The following SMC1A variants were observed in gnomAD, a reference collection of about 807,000 sequenced individuals.
SMC1A encodes the protein structural maintenance of chromosomes protein 1A.
SMC1A carries 4 observed loss-of-function variants against 94.5 expected under a neutral mutation model. The observed-to-expected ratio is 0.04, with a 90% confidence interval of 0.02 to 0.10. SMC1A has a LOEUF of 0.10. Ranked by LOEUF, SMC1A falls within the 10% of genes least tolerant of loss-of-function variation. SMC1A has a pLI of 1.00. For synonymous variants in SMC1A, 345 were observed against 347.7 expected (o/e 0.99, Z 0.09); for missense variants, 304 against 989.0 (o/e 0.31, Z 9.29).
At chrX:53,407,016 G>A (rs1176056339) in intron 9 of SMC1A, among the ~76,000 whole-genome samples, 2 of 112,123 alleles carry the variant, frequency 1.8e-5, no homozygotes, top group Non-Finnish European at 3.8e-5. Flanking sequence ...TTTATTACAT[G>A]ATTGTTCTGA....
Position 53,417,670 on chromosome X carries a change from T to C in SMC1A, c.110-2501A>G, listed in dbSNP as rs915596490. ...CTGGTTCCAAAATAACAAAAAGACA[T>C]TTGGGGAGCAAGTTAAGGAAGCTTA... is the stretch of plus-strand genomic sequence containing the variant. On this transcript the variant is annotated intron_variant, in intron 1 of 24. Transcript: ENST00000322213. 7.3e-5 allele frequency among the ~76,000 whole-genome samples: 8 copies of C among 109,928 alleles called. No homozygotes were observed. In the East Asian group the frequency reaches 2.3e-3, roughly 31 times the overall value.
intron 20 of SMC1A, 69 bp downstream of exon 20, chrX:53,383,028 T>C: frequency 2.0e-6 from 2 of 1,024,995 alleles, no homozygotes; most frequent in Non-Finnish European, 2.7e-6. Flanking sequence ...CTGTGATGTA[T>C]AGCAGGCCCG....
chrX:53,383,420 T>C (rs2075592812), intron 19 of SMC1A, among the ~76,000 whole-genome samples, 167 bp from the exon 20 acceptor site: 1 of 111,858 alleles, frequency 8.9e-6, no homozygotes, highest in Non-Finnish European at 1.9e-5. Flanking sequence ...ATAGTAACCA[T>C]TCCCACCATC....
chrX:53,417,529 C>A (rs1207268122), intron 1 of SMC1A, among the ~76,000 whole-genome samples: 2 of 72,037 alleles, frequency 2.8e-5, no homozygotes, highest in Non-Finnish European at 5.0e-5. Flanking sequence ...CCAGCCTGGG[C>A]AACAAGAGCA....
chrX:53,403,529 G>A (rs918278364), intron 15 of SMC1A, 37 bp downstream of exon 15: 4 of 1,064,315 alleles, frequency 3.8e-6, no homozygotes, highest in Non-Finnish European at 5.2e-6. Context: ...AGAGGCTCAA[G>A]GGCATGCCAA....
At chrX:53,418,252 A>G (rs1410092938) in intron 1 of SMC1A, among the ~76,000 whole-genome samples, 1 of 112,348 alleles carries the variant, frequency 8.9e-6, no homozygotes, top group Non-Finnish European at 1.9e-5. Context: ...CTCCTGCCTC[A>G]GTCTCCTGAA....
Position 53,383,227 on chromosome X carries a change from CT to C in SMC1A, c.2999del (p.Lys1000SerfsTer4). On this transcript the variant is annotated frameshift_variant, in exon 20 of 25. Transcript: ENST00000322213. LOFTEE classifies it high-confidence loss of function. ...TCTGCTGCAGTGTGTTCATCTCTTG[CT>C]TGATCTCTTCCTCAGCCTGGGCATC... ...LKDAQAEEEI[K>X]QEMNTLQQKL... The C allele has an allele frequency of 8.5e-7, 1 of 1,179,151 alleles. No individual in the cohort carries two copies.
intron 22 of SMC1A, chrX:53,381,952 A>G: frequency 2.4e-6 from 1 of 409,755 alleles, no homozygotes; most frequent in South Asian, 3.5e-5. Flanking sequence ...ATTTACATGG[A>G]AAGGGATTAT....
rs372791352 is a variant in SMC1A at position 53,413,447 on chromosome X, C to T, written c.412-12G>A. 5.8e-6 allele frequency: 7 copies of T among 1,197,861 alleles called. No individual in the cohort carries two copies. Among genetic ancestry groups the T allele is most frequent in the South Asian group, 1.8e-5 (1 of 56,574 alleles). On this transcript the variant is annotated splice_polypyrimidine_tract_variant and intron_variant, in intron 3 of 24. Coordinates refer to ENST00000322213, the MANE Select transcript of SMC1A (RefSeq NM_006306.4). ...GATTCCACAGCACCCTAGTAAAGGT[C>T]GAAACACTCTTCCACTTCAGACCCC...
intron 22 of SMC1A, 28 bp downstream of exon 22, chrX:53,382,204 G>A (rs1205985108): frequency 8.3e-6 from 10 of 1,207,708 alleles, no homozygotes; most frequent in African/African-American, 7.0e-5. Flanking sequence ...CAGTCTCTTC[G>A]TCAACTGCCC....
Position 53,374,279 on chromosome X carries a change from A to T in SMC1A, c.*5824T>A, listed in dbSNP as rs1374744244. 3 of 111,998 alleles carry T rather than the reference A, an allele frequency of 2.7e-5. No homozygotes were observed. Among genetic ancestry groups the T allele is most frequent in the Non-Finnish European group, 5.6e-5 (3 of 53,162 alleles). The allele number at this position is 111,998 out of a possible 1,213,427, so 9.2% of individuals were successfully genotyped here. A position where few individuals can be genotyped will look rare whatever the true frequency, so the allele number is the denominator to read the frequency against. On this transcript the variant is annotated 3_prime_UTR_variant, in exon 25 of 25. Transcript: ENST00000322213. ...CCAAAGCAGCTCTAGAGCCTGGCTTATCTTGTCACCCCCTCAGCTGCAGGC... is the reference window on the plus strand; with the variant it reads ...CCAAAGCAGCTCTAGAGCCTGGCTTTTCTTGTCACCCCCTCAGCTGCAGGC...
At chrX:53,406,304 A>C (rs781785922) in intron 9 of SMC1A, among the ~76,000 whole-genome samples, 20 of 111,628 alleles carry the variant, frequency 1.8e-4, no homozygotes, top group Non-Finnish European at 3.4e-4. Context: ...ACTGAGGAGG[A>C]GGCAATTGCA....
Position 53,420,507 on chromosome X carries a change from G to C in SMC1A, c.109+1985C>G, listed in dbSNP as rs75583072. 1.6e-3 allele frequency among the ~76,000 whole-genome samples: 165 copies of C among 101,198 alleles called. 3 individuals carry two copies. The East Asian group carries it at 0.041, about 25-fold the overall frequency. The allele number at this position is 101,198 out of a possible 115,157, so 87.9% of individuals were successfully genotyped here. A position where few individuals can be genotyped will look rare whatever the true frequency, so the allele number is the denominator to read the frequency against. On this transcript the variant is annotated intron_variant, in intron 1 of 24. Transcript: ENST00000322213. Reference sequence around the variant, plus strand: ...CCACTGCACTCCAGCCTGGACAACAGAGCAAGACTGTCTCAAAAAAAAAAA... The same window carrying C: ...CCACTGCACTCCAGCCTGGACAACACAGCAAGACTGTCTCAAAAAAAAAAA...
Position 53,409,238 on chromosome X carries a change from C to G in SMC1A, c.1369G>C (p.Gly457Arg). The change falls in exon 9 of 25, where the codon GGG becomes CGG. Residue 457 changes from glycine (G) to arginine (R), a missense_variant. Gly to Arg is a moderately radical substitution (Grantham distance 125). Coordinates refer to ENST00000322213, the MANE Select transcript of SMC1A (RefSeq NM_006306.4). ...QSLEEQKKLE[G>R]ELTEEVEMAK... ...ATCTCCACCTCCTCTGTCAGCTCCC[C>G]CTCTAGCTTCTTCTGCTCTTCTAGG... 4 of 1,209,206 alleles carry G rather than the reference C, an allele frequency of 3.3e-6. No individual in the cohort carries two copies. Among genetic ancestry groups the G allele is most frequent in the Non-Finnish European group, 4.5e-6 (4 of 894,203 alleles).
rs1193658492 is a variant in SMC1A, at chrX:53,396,534, C to T, written c.2646G>A (p.Ser882=). The T allele has an allele frequency of 1.7e-5, 20 of 1,208,707 alleles. No individual in the cohort carries two copies. The East Asian group carries it at 3.6e-4, about 21-fold the overall frequency. The part of the protein sequence containing the change: ...DLKNQHLAKK[S]EVNDKNHEME... ...TCTCATGATTCTTGTCATTCACTTC[C>T]GACTTCTTGGCCAGATGCTGATTCT... The change falls in exon 17 of 25, where the codon TCG becomes TCA. Residue 882 remains serine, a synonymous_variant. Transcript: ENST00000322213.
intron 5 of SMC1A, 30 bp downstream of exon 5, chrX:53,412,870 A>G (rs2075718525): frequency 8.3e-7 from 1 of 1,209,392 alleles, no homozygotes; most frequent in African/African-American, 1.8e-5. Flanking sequence ...TTGGTTTCCC[A>G]CAAGTTGCAG....
At position 53,378,716 on chromosome X, in the gene SMC1A, G is replaced by A. The variant is rs1487023204; in HGVS notation, c.*1387C>T. On this transcript the variant is annotated 3_prime_UTR_variant, in exon 25 of 25. Coordinates refer to ENST00000322213, the MANE Select transcript of SMC1A (RefSeq NM_006306.4). The stretch of plus-strand genomic sequence containing the variant: ...AAGCAATATACAGATTGGAATTAAA[G>A]TGTGATGGTGTATGTGAATGAGTAA... The A allele has an allele frequency of 8.9e-6, 1 of 112,697 alleles. No individual in the cohort carries two copies. The highest frequency in any genetic ancestry group is 3.2e-5 in the African/African-American group (1 of 31,010). The allele number at this position is 112,697 out of a possible 1,213,427, so 9.3% of individuals were successfully genotyped here.
intron 9 of SMC1A, among the ~76,000 whole-genome samples, chrX:53,406,585 G>C (rs1277109217): frequency 8.9e-6 from 1 of 111,993 alleles, no homozygotes; most frequent in African/African-American, 3.2e-5. Context: ...AGATTGAATA[G>C]AAGCCTGCAA....
Position 53,422,484 on chromosome X carries a change from T to C in SMC1A, c.109+8A>G. The C allele has an allele frequency of 8.7e-7, 1 of 1,144,721 alleles. No individual in the cohort carries two copies. The highest frequency in any genetic ancestry group is 1.2e-6 in the Non-Finnish European group (1 of 834,422). The allele number at this position is 1,144,721 out of a possible 1,213,427, so 94.3% of individuals were successfully genotyped here. A position where few individuals can be genotyped will look rare whatever the true frequency, so the allele number is the denominator to read the frequency against. On this transcript the variant is annotated splice_region_variant and intron_variant, in intron 1 of 24. Coordinates refer to ENST00000322213, the MANE Select transcript of SMC1A (RefSeq NM_006306.4). ...ACGTGCGCAGGGCCGCGGCCAGGTTTATCTCACCAGAGCCATTGGGTCCAA... is the reference window on the plus strand; with the variant it reads ...ACGTGCGCAGGGCCGCGGCCAGGTTCATCTCACCAGAGCCATTGGGTCCAA...
Sources: gnomAD v4.1 joint callset for allele counts (sites outside exome capture counted in the v4.1 genomes callset) on GRCh38, gnomAD v4.1.1 for gene constraint, MANE v1.5 for transcripts, NCBI Gene and HGNC (gene_info 2026-07-23, HGNC 2026-07-21) for gene names.